The following CHL1 variants were observed in gnomAD, a reference collection of about 807,000 sequenced individuals.
CHL1 encodes the protein neural cell adhesion molecule L1-like protein.
CHL1 carries 96 observed loss-of-function variants against 141.9 expected under a neutral mutation model. The observed-to-expected ratio is 0.68, with a 90% CI of 0.57 to 0.80. The LOEUF is 0.80. Ranked by LOEUF, CHL1 falls within the 30% of genes least tolerant of loss-of-function variation. The probability of loss-of-function intolerance (pLI) is 0.00; values close to 1 mark genes in which losing one functional copy is unlikely to be tolerated. For missense variants in CHL1, 1,820 were observed against 1,457.2 expected (o/e 1.25, Z -4.05); for synonymous variants, 613 against 502.2 (o/e 1.22, Z -2.95).
chr3:397,200 A>C (rs962221944), intron 24 of CHL1, among the ~76,000 whole-genome samples: 14 of 152,064 alleles, frequency 9.2e-5, no homozygotes, highest in Non-Finnish European at 1.9e-4. Context: ...ATGTTATACT[A>C]ATATCTCTGT....
At chr3:291,976 A>G (rs1697734000) in intron 2 of CHL1, among the ~76,000 whole-genome samples, 1 of 152,230 alleles carries the variant, frequency 6.6e-6, no homozygotes, top group Admixed American at 6.5e-5. Flanking sequence ...GCTCACCCTG[A>G]AATTCAAATG....
chr3:265,297 T>A (rs945140336), intron 2 of CHL1, among the ~76,000 whole-genome samples: 3 of 152,166 alleles, frequency 2.0e-5, no homozygotes, highest in Admixed American at 1.3e-4. Context: ...GCCTGATAGG[T>A]TTTTATATGA....
intron 10 of CHL1, among the ~76,000 whole-genome samples, chr3:353,330 A>G (rs1046083847): frequency 1.3e-5 from 2 of 152,196 alleles, no homozygotes; most frequent in Non-Finnish European, 2.9e-5. Context: ...ATTTAGTTTT[A>G]TATTGGTTGT....
Position 340,881 on chromosome 3 carries a change from G to A in CHL1, c.473G>A (p.Gly158Asp), listed in dbSNP as rs1019939757. The A allele has an allele frequency of 1.2e-6, 2 of 1,612,656 alleles. No individual in the cohort carries two copies. Among genetic ancestry groups the A allele is most frequent in the Non-Finnish European group, 8.5e-7 (1 of 1,179,112 alleles). The change falls in exon 6 of 28, where the codon GGC (glycine) becomes GAC (aspartate). Residue 158 changes from glycine (G) to aspartate (D), a missense_variant. Gly to Asp is a moderately conservative substitution (Grantham distance 94). Transcript: ENST00000256509. ...GTCCTCCCATGCAATCCTCCCAAAG[G>A]CCTCCCACCTTTACACATTTATTGG... Reference protein sequence around the residue: ...PIVLPCNPPKGLPPLHIYWMN... With the variant: ...PIVLPCNPPKDLPPLHIYWMN...
At chr3:385,764 G>T (rs865935556) in intron 19 of CHL1, 18 of 143,112 alleles carry the variant, frequency 1.3e-4, no homozygotes, top group African/African-American at 4.5e-4. Context: ...GGAGGTGGAG[G>T]TTACAGTGAG....
intron 5 of CHL1, among the ~76,000 whole-genome samples, chr3:333,500 G>C (rs1317654514): frequency 6.6e-6 from 1 of 152,098 alleles, no homozygotes; most frequent in Non-Finnish European, 1.5e-5. Flanking sequence ...CCTAGGGAAA[G>C]AGTGAAAGAA....
At chr3:302,299 T>C (rs1698824583) in intron 2 of CHL1, among the ~76,000 whole-genome samples, 1 of 152,244 alleles carries the variant, frequency 6.6e-6, no homozygotes, top group Non-Finnish European at 1.5e-5. Flanking sequence ...TTTCTAGTTC[T>C]GCATCCTTAA....
At chr3:197,760 G>A in intron 1 of CHL1, 1 of 455,688 alleles carries the variant, frequency 2.2e-6, no homozygotes, top group South Asian at 1.6e-5. Flanking sequence ...AGGGGCGAGA[G>A]GGCGCGCCGG....
chr3:294,917 A>T (rs1028777948), intron 2 of CHL1, among the ~76,000 whole-genome samples: 7 of 152,226 alleles, frequency 4.6e-5, no homozygotes, highest in African/African-American at 1.7e-4. Context: ...AATGTTTACT[A>T]TGTGCCAGAC....
At chr3:355,184 G>C (rs566167331) in intron 11 of CHL1, among the ~76,000 whole-genome samples, 1 of 152,234 alleles carries the variant, frequency 6.6e-6, no homozygotes, top group East Asian at 1.9e-4. Flanking sequence ...CCTGTCCTGG[G>C]CTCTGCCCTT....
At chr3:225,025 A>G (rs1371071603) in intron 1 of CHL1, among the ~76,000 whole-genome samples, 3 of 152,044 alleles carry the variant, frequency 2.0e-5, no homozygotes, top group African/African-American at 7.2e-5. Flanking sequence ...AATCCCAGCT[A>G]CTCAGGAGGC....
intron 5 of CHL1, among the ~76,000 whole-genome samples, chr3:328,686 G>A (rs1575079961): frequency 6.6e-6 from 1 of 152,116 alleles, no homozygotes; most frequent in Non-Finnish European, 1.5e-5. Flanking sequence ...AAACCTCTAT[G>A]TAAACATAAA....
intron 1 of CHL1, among the ~76,000 whole-genome samples, chr3:238,522 C>T (rs572888973): frequency 8.3e-4 from 126 of 152,220 alleles, no homozygotes; most frequent in Admixed American, 8.5e-4. Flanking sequence ...CAATATTTGG[C>T]AATCTGACAG....
intron 2 of CHL1, chr3:308,878 AT>A: frequency 6.1e-6 from 1 of 162,994 alleles, no homozygotes. Flanking sequence ...TGCGGCATTC[AT>A]TTTCCTTTCA....
At chr3:386,671 T>C (rs1707748002) in intron 19 of CHL1, among the ~76,000 whole-genome samples, 1 of 152,160 alleles carries the variant, frequency 6.6e-6, no homozygotes, top group Admixed American at 6.6e-5. Context: ...CCCACTAATG[T>C]TGGGAAGCAG....
intron 9 of CHL1, among the ~76,000 whole-genome samples, chr3:347,982 ATAAC>A (rs1412581201): frequency 6.6e-6 from 1 of 152,240 alleles, no homozygotes; most frequent in East Asian, 1.9e-4. Flanking sequence ...TTTTGCATAA[ATAAC>A]TGAATTATTT....
chr3:329,270 A>G (rs751109675), intron 5 of CHL1, among the ~76,000 whole-genome samples: 1 of 152,086 alleles, frequency 6.6e-6, no homozygotes, highest in Non-Finnish European at 1.5e-5. Flanking sequence ...TTCTTCTTTT[A>G]GAGTCCTAGA....
At chr3:279,162 A>G (rs1297663500) in intron 2 of CHL1, among the ~76,000 whole-genome samples, 5 of 152,202 alleles carry the variant, frequency 3.3e-5, no homozygotes, top group Non-Finnish European at 7.3e-5. Context: ...ATGGATAAAG[A>G]CAAAGAATAT....
chr3:378,167 A>T (rs1470388937), intron 16 of CHL1, among the ~76,000 whole-genome samples: 1 of 152,192 alleles, frequency 6.6e-6, no homozygotes, highest in African/African-American at 2.4e-5. Context: ...TAATTTGCCA[A>T]TAGCAGTGGG....
Sources: allele counts gnomAD v4.1 joint callset (sites outside exome capture counted in the v4.1 genomes callset), GRCh38; gene constraint gnomAD v4.1.1; transcripts MANE v1.5; gene names NCBI Gene and HGNC (gene_info 2026-07-23, HGNC 2026-07-21).